SMAP1: variants seen among roughly 807,000 people sequenced by gnomAD.
SMAP1 encodes small ArfGAP 1.
SMAP1 carries 24 observed loss-of-function variants against 58.5 expected under a neutral mutation model. The ratio of observed to expected loss-of-function variants is 0.41; its 90% CI spans 0.30 to 0.58. The LOEUF is 0.58. SMAP1 is among the 20% of genes least tolerant of loss of function. The pLI is 0.29. For synonymous variants in SMAP1, 216 were observed against 196.6 expected (o/e 1.10, Z -0.82); for missense variants, 563 against 566.3 (o/e 0.99, Z 0.06).
intron 5 of SMAP1, among the ~76,000 whole-genome samples, chr6:70,796,218 G>C (rs1768601585): frequency 6.6e-6 from 1 of 152,182 alleles, no homozygotes; most frequent in African/African-American, 2.4e-5. Flanking sequence ...AGCCAAAACA[G>C]TGCCTGGCAC....
At chr6:70,730,890 C>T (rs1359362187) in intron 1 of SMAP1, among the ~76,000 whole-genome samples, 1 of 152,242 alleles carries the variant, frequency 6.6e-6, no homozygotes, top group Admixed American at 6.5e-5. Flanking sequence ...ATCTCTGCCT[C>T]TGAGGTTCAA....
chr6:70,672,624 C>A (rs1024685467), intron 1 of SMAP1, among the ~76,000 whole-genome samples: 2 of 152,092 alleles, frequency 1.3e-5, no homozygotes, highest in African/African-American at 4.8e-5. Flanking sequence ...GTAGTATCCC[C>A]AGTTTTCAGG....
chr6:70,835,183 C>A (rs1394156414), intron 6 of SMAP1, among the ~76,000 whole-genome samples: 1 of 140,568 alleles, frequency 7.1e-6, no homozygotes, highest in African/African-American at 2.6e-5. Context: ...ACCCGAGAGG[C>A]GGAGCTTGCA....
At chr6:70,744,385 CATT>C (rs1398463980) in intron 2 of SMAP1, among the ~76,000 whole-genome samples, 2 of 152,038 alleles carry the variant, frequency 1.3e-5, no homozygotes, top group African/African-American at 4.8e-5. Context: ...CAGGTGATCT[CATT>C]GTTCAATTCC....
chr6:70,762,743 A>G (rs543513256), intron 3 of SMAP1, among the ~76,000 whole-genome samples: 1 of 152,294 alleles, frequency 6.6e-6, no homozygotes, highest in South Asian at 2.1e-4. Context: ...TTTGAAAAAC[A>G]CTATGTACCA....
At chr6:70,740,865 G>A (rs1442187062) in intron 2 of SMAP1, among the ~76,000 whole-genome samples, 1 of 152,168 alleles carries the variant, frequency 6.6e-6, no homozygotes, top group Non-Finnish European at 1.5e-5. Context: ...TCAAATCATG[G>A]CAGAAGGTGA....
At chr6:70,805,700 T>C (rs1256443995) in intron 6 of SMAP1, among the ~76,000 whole-genome samples, 1 of 152,228 alleles carries the variant, frequency 6.6e-6, no homozygotes, top group African/African-American at 2.4e-5. Flanking sequence ...TGGATGTCCT[T>C]TTTGTTGACA....
intron 2 of SMAP1, among the ~76,000 whole-genome samples, chr6:70,736,079 A>G (rs556909072): frequency 1.2e-4 from 18 of 152,234 alleles, no homozygotes; most frequent in African/African-American, 4.1e-4. Flanking sequence ...ATAAACTGAT[A>G]TTATATGTAC....
At chr6:70,822,114 A>G (rs1196366409) in intron 6 of SMAP1, among the ~76,000 whole-genome samples, 1 of 152,210 alleles carries the variant, frequency 6.6e-6, no homozygotes, top group African/African-American at 2.4e-5. Context: ...GAAAATTAGG[A>G]AAATACTTCC....
chr6:70,684,869 G>A (rs1766869540), intron 1 of SMAP1, among the ~76,000 whole-genome samples: 1 of 152,134 alleles, frequency 6.6e-6, no homozygotes, highest in Admixed American at 6.5e-5. Flanking sequence ...GAAAACATGG[G>A]CTTTGAAAGC....
At chr6:70,725,093 G>GATTTTTTTTTTTTT (rs1768710050) in intron 1 of SMAP1, among the ~76,000 whole-genome samples, 1 of 47,778 alleles carries the variant, frequency 2.1e-5, no homozygotes. Context: ...ATTAACCAGT[G>GATTTTTTTTTTTTT]TTTTTTTTTT....
chr6:70,816,668 A>T (rs1159632598), intron 6 of SMAP1, among the ~76,000 whole-genome samples: 3 of 152,174 alleles, frequency 2.0e-5, no homozygotes, highest in Non-Finnish European at 4.4e-5. Context: ...AAACAAAACA[A>T]AATGTCCTGC....
At chr6:70,770,324 G>C (rs996662560) in intron 3 of SMAP1, among the ~76,000 whole-genome samples, 3 of 152,080 alleles carry the variant, frequency 2.0e-5, no homozygotes, top group African/African-American at 7.2e-5. Context: ...AGTTCTCCTG[G>C]ATAATATCCT....
chr6:70,712,485 T>C (rs765606541), intron 1 of SMAP1, among the ~76,000 whole-genome samples: 1 of 152,216 alleles, frequency 6.6e-6, no homozygotes, highest in Non-Finnish European at 1.5e-5. Flanking sequence ...CCTCTACTTA[T>C]TTTTTGGAAA....
chr6:70,752,185 T>C (rs1766306888), intron 2 of SMAP1, among the ~76,000 whole-genome samples: 1 of 152,212 alleles, frequency 6.6e-6, no homozygotes, highest in Non-Finnish European at 1.5e-5. Flanking sequence ...TAATGCATTA[T>C]ATTAACCAGT....
chr6:70,778,023 A>T lies in SMAP1; in HGVS notation c.414+4598A>T, dbSNP rs541401112. Among the ~76,000 whole-genome samples, 12 of 152,250 alleles carry T rather than the reference A, an allele frequency of 7.9e-5. No homozygotes were observed. The South Asian group carries it at 1.5e-3, about 18-fold the overall frequency. The stretch of plus-strand genomic sequence containing the variant: ...TGCCTCGGGCTCCCAAAGTGCTGGG[A>T]TTACAGGCATGAGCCACCACACCCA... On this transcript the variant is annotated intron_variant, in intron 4 of 10. Transcript: ENST00000370455.
intron 3 of SMAP1, among the ~76,000 whole-genome samples, chr6:70,757,961 G>T (rs961000502): frequency 4.1e-4 from 62 of 151,920 alleles, no homozygotes; most frequent in East Asian, 7.8e-4. Flanking sequence ...AGTCAGTGTG[G>T]CGATTCCTCA....
chr6:70,803,952 AT>A (rs1768990596), intron 6 of SMAP1, among the ~76,000 whole-genome samples: 1 of 152,182 alleles, frequency 6.6e-6, no homozygotes, highest in South Asian at 2.1e-4. Context: ...GCTGAGAAGA[AT>A]GTATATTCTG....
chr6:70,787,704 C>T (rs887875367), intron 4 of SMAP1, among the ~76,000 whole-genome samples: 1 of 151,766 alleles, frequency 6.6e-6, no homozygotes, highest in African/African-American at 2.4e-5. Flanking sequence ...AAAAAATGCT[C>T]ATCATCACTG....
Sources: allele counts gnomAD v4.1 joint callset (sites outside exome capture counted in the v4.1 genomes callset), GRCh38; gene constraint gnomAD v4.1.1; transcripts MANE v1.5; gene names NCBI Gene and HGNC (gene_info 2026-07-23, HGNC 2026-07-21).